SLC24A2: variants seen among roughly 807,000 people sequenced by gnomAD.
The protein encoded by SLC24A2 is solute carrier family 24 member 2.
SLC24A2 carries 36 observed loss-of-function variants against 62.0 expected under a neutral mutation model. The ratio of observed to expected loss-of-function variants is 0.58; its 90% CI spans 0.44 to 0.77. The LOEUF (loss-of-function observed/expected upper bound fraction) is 0.77. Among genes scored for constraint, SLC24A2 ranks in the 30% least tolerant of loss-of-function variants. The pLI is 0.00. For synonymous variants in SLC24A2, 358 were observed against 294.0 expected, an observed-to-expected ratio of 1.22 and a Z score of -2.23; for missense variants, 846 against 817.9, an observed-to-expected ratio of 1.03 and a Z score of -0.42.
At chr9:20,297,075 A>G in the SLC24A2 span, among the ~76,000 whole-genome samples, 1 of 152,196 alleles carries the variant, frequency 6.6e-6, no homozygotes, top group African/African-American at 2.4e-5. Context: ...GGGTTTCAAC[A>G]TTCAGGATTA....
chr9:19,977,738 A>T, the SLC24A2 span, among the ~76,000 whole-genome samples: 1 of 152,194 alleles, frequency 6.6e-6, no homozygotes, highest in East Asian at 1.9e-4. Flanking sequence ...AAACCAAATG[A>T]TCTTCAGCTG....
chr9:19,911,393 T>C, the SLC24A2 span, among the ~76,000 whole-genome samples: 1 of 152,180 alleles, frequency 6.6e-6, no homozygotes, highest in Non-Finnish European at 1.5e-5. Flanking sequence ...TGCATGTGTC[T>C]TTATAGCAGC....
intron 2 of SLC24A2, among the ~76,000 whole-genome samples, chr9:19,753,112 C>G (rs1484362839): frequency 6.6e-6 from 1 of 152,170 alleles, no homozygotes; most frequent in Non-Finnish European, 1.5e-5. Context: ...TTTGCATACT[C>G]TAGCTGGATG....
chr9:20,068,282 G>C, the SLC24A2 span, among the ~76,000 whole-genome samples: 2 of 151,910 alleles, frequency 1.3e-5, no homozygotes, highest in Non-Finnish European at 2.9e-5. Context: ...CAGGCTGGTT[G>C]TGAACTCCTG....
At chr9:19,952,474 C>G in the SLC24A2 span, among the ~76,000 whole-genome samples, 2 of 151,882 alleles carry the variant, frequency 1.3e-5, no homozygotes, top group Non-Finnish European at 2.9e-5. Context: ...TTGAAAGTGC[C>G]CTTAATCAGA....
intron 2 of SLC24A2, among the ~76,000 whole-genome samples, chr9:19,755,239 C>T (rs1048068928): frequency 6.6e-6 from 1 of 152,168 alleles, no homozygotes; most frequent in Non-Finnish European, 1.5e-5. Flanking sequence ...TTGCCAAGTA[C>T]TTGGTCCCTA....
the SLC24A2 span, among the ~76,000 whole-genome samples, chr9:20,164,904 T>G: frequency 6.8e-6 from 1 of 146,742 alleles, no homozygotes; most frequent in Non-Finnish European, 1.5e-5. Context: ...AAACACCGCA[T>G]ATTCTCACTC....
chr9:20,301,385 AAAT>A, the SLC24A2 span, among the ~76,000 whole-genome samples: 1 of 152,078 alleles, frequency 6.6e-6, no homozygotes, highest in Non-Finnish European at 1.5e-5. Flanking sequence ...ATGTAAAAGA[AAAT>A]AATTATTTTA....
intron 2 of SLC24A2, among the ~76,000 whole-genome samples, chr9:19,623,232 A>G (rs1478931849): frequency 2.0e-5 from 3 of 152,128 alleles, no homozygotes; most frequent in African/African-American, 7.2e-5. Flanking sequence ...CTTAGACAGC[A>G]CCTTCGTCAC....
the SLC24A2 span, among the ~76,000 whole-genome samples, chr9:20,224,601 G>C: frequency 6.6e-6 from 1 of 151,584 alleles, no homozygotes; most frequent in Non-Finnish European, 1.5e-5. Context: ...TCCTAGAATA[G>C]TGTTTTTAAA....
Position 19,515,875 on chromosome 9 carries a change from C to T in SLC24A2, c.*278G>A, listed in dbSNP as rs563904101. 9.0e-5 allele frequency: 40 copies of T among 444,634 alleles called. No homozygotes were observed. Among genetic ancestry groups the T allele is most frequent in the African/African-American group, 3.4e-4 (17 of 50,112 alleles). 27.5% of individuals were successfully genotyped at this position (444,634 alleles called of 1,614,324 possible). A position where few individuals can be genotyped will look rare whatever the true frequency, so the allele number is the denominator to read the frequency against. On this transcript the variant is annotated 3_prime_UTR_variant, in exon 11 of 11. Coordinates refer to ENST00000341998, the MANE Select transcript of SLC24A2 (RefSeq NM_020344.4). The stretch of plus-strand genomic sequence containing the variant: ...TCCTTGTTTGCATCGACTGTACCTC[C>T]GACCAGCGAGGTGTACTTGTCAGTG...
At chr9:20,057,296 A>G in the SLC24A2 span, among the ~76,000 whole-genome samples, 2 of 152,214 alleles carry the variant, frequency 1.3e-5, no homozygotes, top group Admixed American at 1.3e-4. Flanking sequence ...TTAGTAACCC[A>G]TTCCCTAATC....
chr9:20,192,138 A>G, the SLC24A2 span, among the ~76,000 whole-genome samples: 34 of 152,310 alleles, frequency 2.2e-4, no homozygotes, highest in African/African-American at 7.9e-4. Flanking sequence ...GAGCAGGATT[A>G]GGTGGTTGAA....
At chr9:20,001,681 G>C in the SLC24A2 span, among the ~76,000 whole-genome samples, 1 of 152,174 alleles carries the variant, frequency 6.6e-6, no homozygotes, top group East Asian at 1.9e-4. Flanking sequence ...CAAAGAGGTT[G>C]CTAAGCATCT....
At chr9:20,107,218 T>A in the SLC24A2 span, among the ~76,000 whole-genome samples, 4 of 152,268 alleles carry the variant, frequency 2.6e-5, no homozygotes, top group Non-Finnish European at 4.4e-5. Flanking sequence ...TGGAAGAACA[T>A]TCCATGCTCA....
At chr9:20,256,820 T>G in the SLC24A2 span, among the ~76,000 whole-genome samples, 1 of 152,086 alleles carries the variant, frequency 6.6e-6, no homozygotes, top group African/African-American at 2.4e-5. Flanking sequence ...CTTTTTACTC[T>G]TTTTATTTGC....
the SLC24A2 span, among the ~76,000 whole-genome samples, chr9:19,922,099 A>G: frequency 6.6e-6 from 1 of 152,182 alleles, no homozygotes; most frequent in East Asian, 1.9e-4. Flanking sequence ...ATAAAGTTGG[A>G]TGCATCAGCC....
At chr9:19,571,128 T>TC (rs1440463978) in intron 7 of SLC24A2, among the ~76,000 whole-genome samples, 1 of 152,076 alleles carries the variant, frequency 6.6e-6, no homozygotes, top group Non-Finnish European at 1.5e-5. Context: ...GACTGTGCCA[T>TC]CCCCAAGGGC....
chr9:19,757,063 T>C (rs913650723), intron 2 of SLC24A2, among the ~76,000 whole-genome samples: 3 of 151,886 alleles, frequency 2.0e-5, no homozygotes, highest in Non-Finnish European at 2.9e-5. Flanking sequence ...GTGGGAGGCA[T>C]TGTGCCCAGC....
Sources: gnomAD v4.1 joint callset for allele counts (sites outside exome capture counted in the v4.1 genomes callset) on GRCh38, gnomAD v4.1.1 for gene constraint, MANE v1.5 for transcripts, NCBI Gene and HGNC (gene_info 2026-07-23, HGNC 2026-07-21) for gene names.